ZNF626: variants seen among roughly 807,000 people sequenced by gnomAD.
ZNF626 encodes zinc finger protein 626, also known as CTC-513N18.7.
A neutral mutation model predicts 11.7 loss-of-function variants in ZNF626; 4 were observed. The ratio of observed to expected loss-of-function variants is 0.34; its 90% CI spans 0.17 to 0.78. The LOEUF is 0.78. ZNF626 is among the 30% of genes least tolerant of loss of function. The pLI, the probability that ZNF626 is intolerant of heterozygous loss-of-function variation, is 0.57. For synonymous variants in ZNF626, 179 were observed against 198.6 expected (o/e 0.90, Z 0.83); for missense variants, 588 against 587.1 (o/e 1.00, Z -0.01).
intron 1 of ZNF626, among the ~76,000 whole-genome samples, chr19:20,656,342 G>C (rs921476320): frequency 3.3e-5 from 5 of 151,738 alleles, no homozygotes; most frequent in African/African-American, 1.2e-4. Context: ...AACTCTGCAA[G>C]ATAACATAGA....
At chr19:20,648,879 C>T (rs1455064930) in intron 1 of ZNF626, among the ~76,000 whole-genome samples, 4 of 152,078 alleles carry the variant, frequency 2.6e-5, no homozygotes, top group Non-Finnish European at 5.9e-5. Flanking sequence ...TTCTGCATGG[C>T]ATATAAGAAG....
intron 1 of ZNF626, among the ~76,000 whole-genome samples, chr19:20,650,038 T>G (rs1171372884): frequency 2.6e-5 from 4 of 152,218 alleles, no homozygotes; most frequent in Non-Finnish European, 5.9e-5. Context: ...AAAAACAACA[T>G]GTACACACGT....
At position 20,625,593 on chromosome 19, in the gene ZNF626, A is replaced by G. The variant is rs1222170852; in HGVS notation, c.284T>C (p.Phe95Ser). Residue 95 changes from phenylalanine to serine, a missense_variant, in exon 4 of 4, where the codon TTC becomes TCC. Physicochemically the swap from Phe to Ser is radical, Grantham distance 155. Around this residue, in one of 4 missense-constraint regions of ZNF626, gnomAD observed 524 missense variants for 470.1 expected, o/e 1.11. Coordinates refer to ENST00000601440, the MANE Select transcript of ZNF626 (RefSeq NM_001076675.3). ...ATATCTTCTCAGTACCACTTTTTGGAAAGAATCTTTCATGCTCTGCTCTGG... is the reference window on the plus strand; with the variant it reads ...ATATCTTCTCAGTACCACTTTTTGGGAAGAATCTTTCATGCTCTGCTCTGG... Reference protein sequence around the residue: ...LWPEQSMKDSFQKVVLRRYEK... With the variant: ...LWPEQSMKDSSQKVVLRRYEK... 6.2e-7 allele frequency: 1 copy of G among 1,600,888 alleles called. No homozygotes were observed. Among genetic ancestry groups the G allele is most frequent in the Non-Finnish European group, 8.5e-7 (1 of 1,174,640 alleles).
At chr19:20,649,859 G>C (rs1970126644) in intron 1 of ZNF626, among the ~76,000 whole-genome samples, 1 of 152,226 alleles carries the variant, frequency 6.6e-6, no homozygotes, top group Non-Finnish European at 1.5e-5. Flanking sequence ...GTTAGAGAAA[G>C]CAGGTACAGC....
rs1438506185 is a variant in ZNF626 at position 20,622,398 on chromosome 19, A to C, written c.*1892T>G. 1 of 152,148 alleles carries C rather than the reference A, an allele frequency of 6.6e-6. No homozygotes were observed. The highest frequency in any genetic ancestry group is 2.4e-5 in the African/African-American group (1 of 41,446). The allele number at this position is 152,148 out of a possible 1,614,324, so 9.4% of individuals were successfully genotyped here. Reference sequence around the variant, plus strand: ...ACATTACTTAATATAGGTTAACTACAATGAGCCTCTCCACTTATATTTTCG... The same window carrying C: ...ACATTACTTAATATAGGTTAACTACCATGAGCCTCTCCACTTATATTTTCG... On this transcript the variant is annotated 3_prime_UTR_variant, in exon 4 of 4. Transcript: ENST00000601440.
intron 3 of ZNF626, among the ~76,000 whole-genome samples, chr19:20,637,256 A>AC (rs1969976451): frequency 6.6e-6 from 1 of 152,116 alleles, no homozygotes; most frequent in South Asian, 2.1e-4. Context: ...TGGAAGGCCA[A>AC]GGGGGGAATC....
Position 20,620,497 on chromosome 19 carries a change from CAT to C in ZNF626, c.*3791_*3792del, listed in dbSNP as rs1414404369. The C allele has an allele frequency of 3.3e-5, 5 of 152,182 alleles. No homozygotes were observed. Among genetic ancestry groups the C allele is most frequent in the African/African-American group, 1.2e-4 (5 of 41,434 alleles). The allele number at this position is 152,182 out of a possible 1,614,324, so 9.4% of individuals were successfully genotyped here. On this transcript the variant is annotated 3_prime_UTR_variant, in exon 4 of 4. Coordinates refer to ENST00000601440, the MANE Select transcript of ZNF626 (RefSeq NM_001076675.3). ...TTTACGTTTGCAGGCAGAGTGACCA[CAT>C]GTTCAAAGAAACTATATAACAAATA...
intron 1 of ZNF626, among the ~76,000 whole-genome samples, chr19:20,647,746 A>G (rs1046395851): frequency 5.3e-5 from 8 of 152,064 alleles, no homozygotes; most frequent in African/African-American, 1.7e-4. Flanking sequence ...TCGGCCTCCC[A>G]AAGTGCTGGG....
At chr19:20,646,434 C>T (rs1391067428) in intron 1 of ZNF626, 29 bp from the exon 2 acceptor site, 1 of 1,613,198 alleles carries the variant, frequency 6.2e-7, no homozygotes, top group African/African-American at 1.3e-5. Flanking sequence ...CACATTTTTA[C>T]CAAGTGGCCA....
At chr19:20,637,100 AAAAACAAAAC>A (rs781929765) in intron 3 of ZNF626, among the ~76,000 whole-genome samples, 2 of 151,994 alleles carry the variant, frequency 1.3e-5, no homozygotes, top group Non-Finnish European at 2.9e-5. Flanking sequence ...CTCAATCTCA[AAAAACAAAAC>A]AAAACAAAAC....
intron 3 of ZNF626, among the ~76,000 whole-genome samples, chr19:20,628,424 C>A (rs2144766711): frequency 6.6e-6 from 1 of 152,298 alleles, no homozygotes; most frequent in African/African-American, 2.4e-5. Flanking sequence ...TATTTCTCCA[C>A]ATCCTCTCCA....
rs782382421 is a variant in ZNF626 at position 20,625,691 on chromosome 19, C to T, written c.227-41G>A. 4.7e-6 allele frequency: 7 copies of T among 1,498,936 alleles called. No homozygotes were observed. In the East Asian group the frequency reaches 1.6e-4, roughly 34 times the overall value. The allele number at this position is 1,498,936 out of a possible 1,614,324, so 92.9% of individuals were successfully genotyped here. A position where few individuals can be genotyped will look rare whatever the true frequency, so the allele number is the denominator to read the frequency against. ...AAAACACATTACTTCAATTGGTAGACTCAGATAAATATAAATATATATATG... is the reference window on the plus strand; with the variant it reads ...AAAACACATTACTTCAATTGGTAGATTCAGATAAATATAAATATATATATG... On this transcript the variant is annotated intron_variant, in intron 3 of 3. Transcript: ENST00000601440.
chr19:20,646,938 C>A (rs1555771977), intron 1 of ZNF626, among the ~76,000 whole-genome samples: 1 of 152,120 alleles, frequency 6.6e-6, no homozygotes, highest in Non-Finnish European at 1.5e-5. Flanking sequence ...ACCTCCGCCT[C>A]CCGGGTTCAA....
chr19:20,657,632 C>G (rs992982070), intron 1 of ZNF626, among the ~76,000 whole-genome samples: 1 of 151,938 alleles, frequency 6.6e-6, no homozygotes, highest in African/African-American at 2.4e-5. Flanking sequence ...CATGGAGAAA[C>G]CCCTCTCTAC....
In ZNF626 at chr19:20,623,910, TA is replaced by T; in HGVS notation, c.*379del. On this transcript the variant is annotated 3_prime_UTR_variant, in exon 4 of 4. Coordinates refer to ENST00000601440, the MANE Select transcript of ZNF626 (RefSeq NM_001076675.3). The stretch of plus-strand genomic sequence containing the variant: ...GTGTAATAAAGGTTGAGAAGTTCCT[TA>T]AAAAATCTGTCACATTCTTTATATT... 1 of 362,696 alleles carries T rather than the reference TA, an allele frequency of 2.8e-6. No homozygotes were observed. The allele number at this position is 362,696 out of a possible 1,614,324, so 22.5% of individuals were successfully genotyped here.
Position 20,630,985 on chromosome 19 carries a change from G to A in ZNF626, c.227-5335C>T, listed in dbSNP as rs1405086643. ...TCTGGTATGTTGTGTCTTTGTTCTC[G>A]TTGGTTTCAAAGAACATCTTTATTT... On this transcript the variant is annotated intron_variant, in intron 3 of 3. Coordinates refer to ENST00000601440, the MANE Select transcript of ZNF626 (RefSeq NM_001076675.3). Among the ~76,000 whole-genome samples, 17 of 151,784 alleles carry A rather than the reference G, an allele frequency of 1.1e-4. 1 individual carries two copies. Among genetic ancestry groups the A allele is most frequent in the African/African-American group, 2.9e-4 (12 of 41,368 alleles).
chr19:20,622,617 G>T lies in ZNF626; in HGVS notation c.*1673C>A, dbSNP rs1314906027. ...ACTTTTCAAAAAAATTGTTTTCAAGGAAACAAATATACTTTCAATGTAAAT... is the reference window on the plus strand; with the variant it reads ...ACTTTTCAAAAAAATTGTTTTCAAGTAAACAAATATACTTTCAATGTAAAT... On this transcript the variant is annotated 3_prime_UTR_variant, in exon 4 of 4. Transcript: ENST00000601440. 1 of 151,956 alleles carries T rather than the reference G, an allele frequency of 6.6e-6. No homozygotes were observed. Among genetic ancestry groups the T allele is most frequent in the Admixed American group, 6.6e-5 (1 of 15,262 alleles). 9.4% of individuals were successfully genotyped at this position (151,956 alleles called of 1,614,324 possible). A position where few individuals can be genotyped will look rare whatever the true frequency, so the allele number is the denominator to read the frequency against.
At chr19:20,661,422 G>A (rs1555773683) in intron 1 of ZNF626, 22 bp downstream of exon 1, 5 of 1,613,838 alleles carry the variant, frequency 3.1e-6, no homozygotes, top group Admixed American at 3.3e-5. Flanking sequence ...CCTCTCTCGG[G>A]ATGTCGGACC....
intron 3 of ZNF626, among the ~76,000 whole-genome samples, chr19:20,629,317 A>G (rs1969876136): frequency 6.6e-6 from 1 of 152,220 alleles, no homozygotes; most frequent in African/African-American, 2.4e-5. Context: ...AATTCTGTGA[A>G]GAAAGTCATC....
Sources: gnomAD v4.1 joint callset for allele counts (sites outside exome capture counted in the v4.1 genomes callset) on GRCh38, gnomAD v4.1.1 for gene constraint, gnomAD v4.1.1 regional missense constraint, MANE v1.5 for transcripts, NCBI Gene and HGNC (gene_info 2026-07-23, HGNC 2026-07-21) for gene names.